Variants in CAMK2B observed in about 807,000 individuals in gnomAD.
The protein encoded by CAMK2B is calcium/calmodulin dependent protein kinase II beta, also known as calcium/calmodulin-dependent protein kinase type II subunit beta.
A neutral mutation model predicts 93.7 loss-of-function variants in CAMK2B; 27 were observed. The ratio of observed to expected loss-of-function variants is 0.29; its 90% confidence interval spans 0.21 to 0.40. The LOEUF is 0.40. Ranked by LOEUF, CAMK2B falls within the 10% of genes least tolerant of loss-of-function variation. The probability of loss-of-function intolerance (pLI) is 1.00; values close to 1 mark genes in which losing one functional copy is unlikely to be tolerated. For missense variants in CAMK2B, 568 were observed against 895.8 expected (o/e 0.63, Z 4.67); for synonymous variants, 374 against 358.8 (o/e 1.04, Z -0.48).
At chr7:44,269,899 G>A (rs1348446064) in intron 2 of CAMK2B, among the ~76,000 whole-genome samples, 1 of 152,126 alleles carries the variant, frequency 6.6e-6, no homozygotes, top group Non-Finnish European at 1.5e-5. Flanking sequence ...GGGCTCCCTA[G>A]GTGCCATGAG....
rs73691438 is a variant in CAMK2B, at chr7:44,241,624, C to A, written c.903+76G>T. The A allele has an allele frequency of 2.9e-3, 3,448 of 1,207,958 alleles. 71 individuals are homozygous for A. In the African/African-American group the frequency reaches 0.046, roughly 16 times the overall value. The allele number at this position is 1,207,958 out of a possible 1,614,324, so 74.8% of individuals were successfully genotyped here. A position where few individuals can be genotyped will look rare whatever the true frequency, so the allele number is the denominator to read the frequency against. ...TAACCCCTAGGTCTGCCCAGACCCC[C>A]CAAGGCCCCCCTGCTCCAGCCCAGA... On this transcript the variant is annotated intron_variant, in intron 11 of 23. Transcript: ENST00000395749.
chr7:44,232,691 G>T, intron 16 of CAMK2B, 131 bp downstream of exon 16: 1 of 829,494 alleles, frequency 1.2e-6, no homozygotes, highest in Non-Finnish European at 2.0e-6. Flanking sequence ...GGGCCCTACC[G>T]TACTGCGGGG....
chr7:44,232,394 C>T (rs1042335007), intron 16 of CAMK2B, among the ~76,000 whole-genome samples: 1 of 152,128 alleles, frequency 6.6e-6, no homozygotes, highest in Non-Finnish European at 1.5e-5. Flanking sequence ...ATGGCCAGAG[C>T]AGAGAGGGGA....
rs969884908 is a variant in CAMK2B at position 44,257,987 on chromosome 7, G to T, written c.275+885C>A. Among the ~76,000 whole-genome samples, 3 of 152,378 alleles carry T rather than the reference G, an allele frequency of 2.0e-5. No individual in the cohort carries two copies. The East Asian group carries it at 5.8e-4, about 29-fold the overall frequency. On this transcript the variant is annotated intron_variant, in intron 4 of 23. Coordinates refer to ENST00000395749, the MANE Select transcript of CAMK2B (RefSeq NM_001220.5). ...GCTGGGCTTCTCTGGCTGTGTGGCC[G>T]CCTGGAGGCCACAGGGGCAGGCTAA...
chr7:44,232,074 C>A (rs866347472), intron 16 of CAMK2B, among the ~76,000 whole-genome samples: 4 of 152,220 alleles, frequency 2.6e-5, no homozygotes, highest in African/African-American at 9.6e-5. Context: ...AATGCCCAGG[C>A]CCTGGTGCCT....
At chr7:44,307,693 C>A (rs1381121002) in intron 1 of CAMK2B, among the ~76,000 whole-genome samples, 1 of 152,072 alleles carries the variant, frequency 6.6e-6, no homozygotes, top group African/African-American at 2.4e-5. Context: ...TAGCCAGAGT[C>A]TGGTGGAGGT....
intron 1 of CAMK2B, among the ~76,000 whole-genome samples, chr7:44,306,053 G>A (rs1791405024): frequency 6.6e-6 from 1 of 152,136 alleles, no homozygotes; most frequent in African/African-American, 2.4e-5. Context: ...AGAGGGAGGG[G>A]GGTTGAGGGT....
intron 16 of CAMK2B, 121 bp from the exon 17 acceptor site, chr7:44,231,175 T>A: frequency 1.3e-6 from 1 of 765,308 alleles, no homozygotes; most frequent in Non-Finnish European, 2.1e-6. Flanking sequence ...AGCTGATCTC[T>A]GCCTCGGCTG....
intron 22 of CAMK2B, 21 bp from the exon 23 acceptor site, chr7:44,220,315 G>A (rs199507584): frequency 1.9e-4 from 299 of 1,583,620 alleles, no homozygotes; most frequent in Non-Finnish European, 2.4e-4. Flanking sequence ...CAGGCGGGGC[G>A]GGGGTCTCGG....
chr7:44,273,712 C>T (rs896482371), intron 2 of CAMK2B, among the ~76,000 whole-genome samples: 1 of 152,198 alleles, frequency 6.6e-6, no homozygotes, highest in African/African-American at 2.4e-5. Context: ...AAAAATAAGG[C>T]CCAGACTCCA....
chr7:44,228,846 C>A lies in CAMK2B; in HGVS notation c.1418G>T (p.Gly473Val). The A allele has an allele frequency of 6.6e-7, 1 of 1,506,914 alleles. No individual in the cohort carries two copies. Among genetic ancestry groups the A allele is most frequent in the African/African-American group, 1.4e-5 (1 of 71,718 alleles). 93.3% of individuals were successfully genotyped at this position (1,506,914 alleles called of 1,614,324 possible). A position where few individuals can be genotyped will look rare whatever the true frequency, so the allele number is the denominator to read the frequency against. Residue 473 changes from glycine to valine, a missense_variant, in exon 19 of 24, where the codon GGG becomes GTG. By Grantham distance (109) the Gly-to-Val change is moderately radical (BLOSUM62 -3). Around this residue, in one of 4 missense-constraint regions of CAMK2B, gnomAD observed 308 missense variants for 292.1 expected, o/e 1.05. Coordinates refer to ENST00000395749, the MANE Select transcript of CAMK2B (RefSeq NM_001220.5). ...AGCCGGAGACAGGCAGGGCGGGGGC[C>A]CCGCTGAGAGGGGGCCCTCGGCTTC... is the stretch of plus-strand genomic sequence containing the variant. ...TPEAEGPLSA[G>V]PPPCLSPALL...
chr7:44,278,186 G>A (rs1028288063), intron 2 of CAMK2B, among the ~76,000 whole-genome samples: 1 of 152,212 alleles, frequency 6.6e-6, no homozygotes, highest in Non-Finnish European at 1.5e-5. Context: ...GGGGCCCTGG[G>A]GCCTGCAGGT....
At chr7:44,249,516 G>A (rs2096760188) in intron 5 of CAMK2B, among the ~76,000 whole-genome samples, 1 of 152,140 alleles carries the variant, frequency 6.6e-6, no homozygotes, top group South Asian at 2.1e-4. Flanking sequence ...GTTTGTCCTG[G>A]GAAGGGCATA....
At chr7:44,268,433 G>A (rs2129051323) in intron 2 of CAMK2B, among the ~76,000 whole-genome samples, 1 of 152,332 alleles carries the variant, frequency 6.6e-6, no homozygotes, top group Non-Finnish European at 1.5e-5. Flanking sequence ...GTACCAGGAG[G>A]GGCTCAAGGG....
At chr7:44,262,958 G>C (rs775630111) in intron 3 of CAMK2B, 47 bp downstream of exon 3, 3 of 1,529,018 alleles carry the variant, frequency 2.0e-6, no homozygotes, top group Non-Finnish European at 2.7e-6. Context: ...GCTGCTGTCC[G>C]GGAGAAGGTG....
At position 44,257,460 on chromosome 7, in the gene CAMK2B, G is replaced by A. The variant is rs887911079; in HGVS notation, c.275+1412C>T. ...GAACACACCACCCTTTCTCCTCCTCGGCTCCTGTAACACATGCAGCCATCT... is the reference window on the plus strand; with the variant it reads ...GAACACACCACCCTTTCTCCTCCTCAGCTCCTGTAACACATGCAGCCATCT... On this transcript the variant is annotated intron_variant, in intron 4 of 23. Transcript: ENST00000395749. 1.3e-4 allele frequency among the ~76,000 whole-genome samples: 20 copies of A among 152,278 alleles called. 1 individual carries two copies. The highest frequency in any genetic ancestry group is 3.4e-3 in the Middle Eastern group (1 of 294).
chr7:44,295,679 C>T (rs990087487), intron 1 of CAMK2B, among the ~76,000 whole-genome samples: 4 of 152,222 alleles, frequency 2.6e-5, no homozygotes, highest in African/African-American at 7.2e-5. Context: ...GGGCTTCTGG[C>T]AGGGGGAGGA....
intron 3 of CAMK2B, among the ~76,000 whole-genome samples, chr7:44,262,541 T>C (rs1008844717): frequency 4.6e-5 from 7 of 152,232 alleles, no homozygotes; most frequent in Admixed American, 1.3e-4. Context: ...AATTGGGCCA[T>C]CTTGTGGCTT....
At chr7:44,227,695 GCGTGAAGGGACCAA>G in intron 19 of CAMK2B, among the ~76,000 whole-genome samples, 1 of 24,284 alleles carries the variant, frequency 4.1e-5, no homozygotes, top group Non-Finnish European at 7.1e-5. Flanking sequence ...ACAGAAAAGG[GCGTGAAGGGACCAA>G]GGTGGGTGTG....
Sources: gnomAD v4.1 joint callset for allele counts (sites outside exome capture counted in the v4.1 genomes callset) on GRCh38, gnomAD v4.1.1 for gene constraint, gnomAD v4.1.1 regional missense constraint, MANE v1.5 for transcripts, NCBI Gene and HGNC (gene_info 2026-07-23, HGNC 2026-07-21) for gene names.